The following PTP4A1 variants were observed in gnomAD, a reference collection of about 807,000 sequenced individuals.
PTP4A1 encodes protein tyrosine phosphatase type IVA 1.
In PTP4A1, 9 loss-of-function variants were observed where a neutral mutation model predicts 20.5. The observed-to-expected ratio is 0.44, with a 90% confidence interval of 0.26 to 0.77. The LOEUF is 0.77. Among genes scored for constraint, PTP4A1 ranks in the 30% least tolerant of loss-of-function variants. PTP4A1 has a pLI of 0.19. For synonymous variants in PTP4A1, 78 were observed against 67.4 expected (o/e 1.16, Z -0.77); for missense variants, 137 against 218.8 (o/e 0.63, Z 2.36).
intron 3 of PTP4A1, among the ~76,000 whole-genome samples, chr6:63,566,801 A>G (rs1251704555): frequency 5.9e-5 from 9 of 152,140 alleles, no homozygotes; most frequent in Admixed American, 1.3e-4. Flanking sequence ...GTTTGATAGT[A>G]TTTTACACAC....
At chr6:63,554,833 T>G (rs1475771975) in intron 3 of PTP4A1, among the ~76,000 whole-genome samples, 3 of 152,196 alleles carry the variant, frequency 2.0e-5, no homozygotes, top group Non-Finnish European at 2.9e-5. Context: ...TGTTTACATA[T>G]GGGTCACTTT....
Position 63,580,048 on chromosome 6 carries a change from T to TC in PTP4A1, c.405-7dup, listed in dbSNP as rs1212884739. 6 of 1,575,684 alleles carry TC rather than the reference T, an allele frequency of 3.8e-6. No individual in the cohort carries two copies. In the African/African-American group the frequency reaches 6.9e-5, roughly 18 times the overall value. On this transcript the variant is annotated splice_polypyrimidine_tract_variant and intron_variant, in intron 5 of 5. Transcript: ENST00000626021. ...GCCTTGTTTCATTTTTTTTTTTTTT[T>TC]CCTCCCAGAAAGCGGCGTGGAGCTT...
chr6:63,569,474 CT>C (rs1777326304), upstream of PTP4A1, among the ~76,000 whole-genome samples: 1 of 152,166 alleles, frequency 6.6e-6, no homozygotes, highest in Non-Finnish European at 1.5e-5. Context: ...CCAGGCTGGT[CT>C]TGAACTCCTA....
At chr6:63,533,832 T>TTGAA (rs1554197953) in intron 2 of PTP4A1, among the ~76,000 whole-genome samples, 1 of 149,768 alleles carries the variant, frequency 6.7e-6, no homozygotes, top group African/African-American at 2.5e-5. Context: ...AACAAACTTT[T>TTGAA]TTAATTAATT....
At chr6:63,521,465 G>A (rs1196042682), upstream of PTP4A1, among the ~76,000 whole-genome samples, 2 of 152,236 alleles carry the variant, frequency 1.3e-5, no homozygotes, top group East Asian at 3.9e-4. Flanking sequence ...CACCAAAGGA[G>A]CTAATTACAT....
intron 2 of PTP4A1, among the ~76,000 whole-genome samples, chr6:63,537,730 T>C (rs1359363606): frequency 2.6e-5 from 4 of 152,216 alleles, no homozygotes; most frequent in East Asian, 1.9e-4. Flanking sequence ...TGTCAGCAGA[T>C]CAGAACCCTG....
chr6:63,565,442 G>T (rs1275439598), intron 3 of PTP4A1, among the ~76,000 whole-genome samples: 2 of 151,654 alleles, frequency 1.3e-5, no homozygotes, highest in Non-Finnish European at 2.9e-5. Flanking sequence ...TCTTAAAATA[G>T]ACTTTAAAAA....
upstream of PTP4A1, among the ~76,000 whole-genome samples, chr6:63,518,143 G>T (rs1203592174): frequency 7.4e-6 from 1 of 135,272 alleles, no homozygotes; most frequent in East Asian, 2.1e-4. Flanking sequence ...AACACAGTGA[G>T]ACTCCGTCTC....
chr6:63,518,380 G>T (rs1326040228), upstream of PTP4A1, among the ~76,000 whole-genome samples: 1 of 152,064 alleles, frequency 6.6e-6, no homozygotes, highest in African/African-American at 2.4e-5. Context: ...GGCAGAAAAG[G>T]CAAGAATAAA....
In PTP4A1 at chr6:63,576,563, A is replaced by G; in HGVS notation, c.-318A>G. Reference sequence around the variant, plus strand: ...GAAACTGATTACTGCTCCACCAAGAAGCCCCCATAAGAGTGGTTATCCTGG... The same window carrying G: ...GAAACTGATTACTGCTCCACCAAGAGGCCCCCATAAGAGTGGTTATCCTGG... On this transcript the variant is annotated 5_prime_UTR_variant, in exon 2 of 6. Transcript: ENST00000626021. 1 of 445,304 alleles carries G rather than the reference A, an allele frequency of 2.2e-6. No individual in the cohort carries two copies. Among genetic ancestry groups the G allele is most frequent in the Admixed American group, 4.0e-5 (1 of 25,192 alleles). The allele number at this position is 445,304 out of a possible 1,614,324, so 27.6% of individuals were successfully genotyped here. A position where few individuals can be genotyped will look rare whatever the true frequency, so the allele number is the denominator to read the frequency against.
upstream of PTP4A1, chr6:63,570,968 CT>C (rs1320430339): frequency 1.2e-4 from 19 of 152,098 alleles, no homozygotes; most frequent in Non-Finnish European, 2.4e-4. Context: ...GATTTTTAAG[CT>C]TTCTATATTT....
intron 1 of PTP4A1, among the ~76,000 whole-genome samples, chr6:63,526,147 A>G (rs1775159581): frequency 6.6e-6 from 1 of 152,098 alleles, no homozygotes; most frequent in Non-Finnish European, 1.5e-5. Context: ...CAACATGGTG[A>G]AATCCCGTCT....
chr6:63,534,032 T>C (rs796087055), intron 2 of PTP4A1, among the ~76,000 whole-genome samples: 40 of 151,996 alleles, frequency 2.6e-4, no homozygotes, highest in African/African-American at 9.6e-4. Context: ...TTAGGAGAGA[T>C]GGGGTTTCAC....
intron 1 of PTP4A1, among the ~76,000 whole-genome samples, chr6:63,524,952 G>A (rs537571743): frequency 3.3e-5 from 5 of 152,270 alleles, no homozygotes; most frequent in East Asian, 1.9e-4. Context: ...AAAAACTTAA[G>A]AAAGTAAAAT....
intron 2 of PTP4A1, among the ~76,000 whole-genome samples, chr6:63,534,580 T>C (rs1032521490): frequency 1.3e-5 from 2 of 151,976 alleles, no homozygotes; most frequent in Non-Finnish European, 2.9e-5. Flanking sequence ...TGCAGGAGGC[T>C]GAGGCTAGAG....
At chr6:63,535,377 G>A (rs774416225) in intron 2 of PTP4A1, among the ~76,000 whole-genome samples, 4 of 151,726 alleles carry the variant, frequency 2.6e-5, no homozygotes, top group African/African-American at 4.8e-5. Context: ...CCTGAGGCAC[G>A]AGAATCACTT....
chr6:63,556,582 G>A (rs1438469429), intron 3 of PTP4A1, among the ~76,000 whole-genome samples: 2 of 152,162 alleles, frequency 1.3e-5, no homozygotes, highest in African/African-American at 4.8e-5. Flanking sequence ...AATGCATAAT[G>A]GGAGGATGAT....
intron 3 of PTP4A1, among the ~76,000 whole-genome samples, chr6:63,562,338 T>C (rs1037236964): frequency 2.0e-5 from 3 of 152,092 alleles, no homozygotes; most frequent in Admixed American, 6.5e-5. Flanking sequence ...TAGCTGGGAT[T>C]ACAGGCATGT....
At chr6:63,574,728 A>AT (rs1777739557) in intron 1 of PTP4A1, among the ~76,000 whole-genome samples, 1 of 152,220 alleles carries the variant, frequency 6.6e-6, no homozygotes, top group South Asian at 2.1e-4. Flanking sequence ...GTGATGAGTC[A>AT]TTATAAAGCT....
Sources: allele counts gnomAD v4.1 joint callset (sites outside exome capture counted in the v4.1 genomes callset), GRCh38; gene constraint gnomAD v4.1.1; transcripts MANE v1.5; gene names NCBI Gene and HGNC (gene_info 2026-07-23, HGNC 2026-07-21).